The following TNS1 variants were observed in gnomAD, a reference collection of about 807,000 sequenced individuals.
The protein encoded by TNS1 is tensin-1.
Under a neutral mutation model 168.6 loss-of-function variants are expected in TNS1, and 62 were observed. That is an observed-to-expected ratio of 0.37 (90% CI 0.30 to 0.45). TNS1 has a LOEUF of 0.45. Among genes scored for constraint, TNS1 ranks in the 20% least tolerant of loss-of-function variants. The pLI, the probability that TNS1 is intolerant of heterozygous loss-of-function variation, is 1.00. For synonymous variants in TNS1, 934 were observed against 933.2 expected (o/e 1.00, Z -0.02); for missense variants, 2,240 against 2,339.4 (o/e 0.96, Z 0.88).
intron 1 of TNS1, among the ~76,000 whole-genome samples, chr2:218,001,967 C>T (rs373034564): frequency 1.6e-4 from 25 of 152,322 alleles, no homozygotes; most frequent in African/African-American, 6.0e-4. Flanking sequence ...GACTTCCTCA[C>T]CCTCCTGACC....
Position 218,033,918 on chromosome 2 carries a change from C to A in TNS1, c.58G>T (p.Gly20Cys), listed in dbSNP as rs546470744. 6.6e-6 allele frequency among the ~76,000 whole-genome samples: 1 copy of A among 152,196 alleles called. No homozygotes were observed. The highest frequency in any genetic ancestry group is 1.5e-5 in the Non-Finnish European group (1 of 68,032). ...CAGGGACTCCCCGGGGGCTGGGGAC[C>A]GCAGAGTGGTCCGGGCCGCAGCTCT... The change falls in exon 1 of 2, where the codon GGT becomes TGT. Residue 20 changes from glycine (G) to cysteine (C), a missense_variant. By Grantham distance (159) the Gly-to-Cys change is radical (BLOSUM62 -3). Transcript: ENST00000649572. This position sits in a 1 kb window ranked among gnomAD's most constrained non-coding sequence, Gnocchi z 4.3.
At chr2:217,834,342 G>T (rs1218598770) in intron 21 of TNS1, among the ~76,000 whole-genome samples, 2 of 152,232 alleles carry the variant, frequency 1.3e-5, no homozygotes, top group Non-Finnish European at 2.9e-5. Context: ...CAGCACCAGT[G>T]TCTCCTTTTT....
At chr2:217,914,532 A>G (rs1204339937) in intron 4 of TNS1, among the ~76,000 whole-genome samples, 1 of 147,872 alleles carries the variant, frequency 6.8e-6, no homozygotes, top group African/African-American at 2.5e-5. Flanking sequence ...TTTTGTTTTG[A>G]CACGGAGTCT....
chr2:218,007,098 G>A (rs1958665099), upstream of TNS1, among the ~76,000 whole-genome samples: 1 of 152,078 alleles, frequency 6.6e-6, no homozygotes. Context: ...ATCCTGAGGG[G>A]CCCACATCCA....
rs1275856911 is a variant in TNS1, at chr2:217,804,548, G to T, written c.5431C>A (p.Leu1811Ile). Reference protein sequence around the residue: ...QGSTTDNACHLFAELDPNQPA... With the variant: ...QGSTTDNACHIFAELDPNQPA... ...TGGTTGGGGTCAAGCTCAGCAAAGA[G>T]GTGGCAGGCGTTGTCCGTGGTGCTG... The change falls in exon 33 of 33, where the codon CTC becomes ATC. Residue 1811 changes from leucine (L) to isoleucine (I), a missense_variant. By Grantham distance (5) the Leu-to-Ile change is conservative (BLOSUM62 2). Transcript: ENST00000682258. 6.2e-7 allele frequency: 1 copy of T among 1,614,060 alleles called. No homozygotes were observed. Among genetic ancestry groups the T allele is most frequent in the African/African-American group, 1.3e-5 (1 of 74,934 alleles).
At chr2:217,929,210 G>C (rs1956187537) in intron 3 of TNS1, among the ~76,000 whole-genome samples, 1 of 152,222 alleles carries the variant, frequency 6.6e-6, no homozygotes, top group African/African-American at 2.4e-5. Context: ...GCCTACCCCA[G>C]GTGAAGGCAG....
intron 1 of TNS1, among the ~76,000 whole-genome samples, chr2:218,001,350 C>A (rs1459674468): frequency 6.6e-6 from 1 of 152,086 alleles, no homozygotes; most frequent in African/African-American, 2.4e-5. Context: ...TCTCTGCAAT[C>A]CTCATTTCAC....
intron 3 of TNS1, among the ~76,000 whole-genome samples, chr2:217,947,879 G>A (rs1357270248): frequency 6.6e-6 from 1 of 152,146 alleles, no homozygotes; most frequent in Non-Finnish European, 1.5e-5. Context: ...CTCCTGCCCC[G>A]CGCCAAGCTT....
chr2:218,021,201 G>A (rs1014759744), intron 1 of TNS1, among the ~76,000 whole-genome samples: 2 of 152,098 alleles, frequency 1.3e-5, no homozygotes, highest in African/African-American at 4.8e-5. Context: ...AGGACCTCCT[G>A]ATGGAGAATG....
chr2:217,961,610 A>G (rs967180306), intron 3 of TNS1, among the ~76,000 whole-genome samples: 3 of 152,158 alleles, frequency 2.0e-5, no homozygotes, highest in African/African-American at 7.2e-5. Flanking sequence ...CCTCACAGAG[A>G]GTGGGAATCA....
exon 1 of TNS1, chr2:218,010,406 G>C (rs917212489): frequency 5.2e-6 from 2 of 386,802 alleles, no homozygotes; most frequent in African/African-American, 4.1e-5. Flanking sequence ...CCCGCGGCGC[G>C]GCCCGGACTG....
chr2:217,833,515 C>T (rs143070406), intron 21 of TNS1, among the ~76,000 whole-genome samples: 1 of 152,386 alleles, frequency 6.6e-6, no homozygotes, highest in East Asian at 1.9e-4. Context: ...AGTTCTAGCA[C>T]AGCCCAGGTG....
chr2:217,935,908 C>T (rs759925765), intron 3 of TNS1, among the ~76,000 whole-genome samples: 4 of 152,170 alleles, frequency 2.6e-5, no homozygotes, highest in Admixed American at 6.5e-5. Context: ...CACATGCAGA[C>T]CGTGTGGCTG....
At chr2:217,874,741 G>A (rs556106997) in intron 18 of TNS1, among the ~76,000 whole-genome samples, 8 of 152,332 alleles carry the variant, frequency 5.3e-5, no homozygotes, top group South Asian at 2.1e-4. Flanking sequence ...CATGGCATGC[G>A]CCACTCTGCT....
At chr2:217,982,970 G>T (rs1411833038) in intron 2 of TNS1, among the ~76,000 whole-genome samples, 1 of 152,112 alleles carries the variant, frequency 6.6e-6, no homozygotes, top group Non-Finnish European at 1.5e-5. Flanking sequence ...TTCTGTAACA[G>T]CCCGACTAAG....
Position 217,804,300 on chromosome 2 carries a change from C to T in TNS1, c.*159G>A, listed in dbSNP as rs193169701. The T allele has an allele frequency of 2.0e-3, 1,450 of 734,830 alleles. 25 individuals are homozygous for T. In the African/African-American group the frequency reaches 0.023, roughly 12 times the overall value. 45.5% of individuals were successfully genotyped at this position (734,830 alleles called of 1,614,324 possible). A position where few individuals can be genotyped will look rare whatever the true frequency, so the allele number is the denominator to read the frequency against. Reference sequence around the variant, plus strand: ...TCTCTCTCTCTCTCTTTTCCCCCTCCCCTCTGCAATTCACTTCCCTCTCCC... The same window carrying T: ...TCTCTCTCTCTCTCTTTTCCCCCTCTCCTCTGCAATTCACTTCCCTCTCCC... On this transcript the variant is annotated 3_prime_UTR_variant, in exon 33 of 33. Coordinates refer to ENST00000682258, the MANE Select transcript of TNS1 (RefSeq NM_001387777.1).
At chr2:217,841,322 T>G (rs1945929869) in intron 19 of TNS1, 6 of 968,750 alleles carry the variant, frequency 6.2e-6, no homozygotes, top group Admixed American at 6.5e-5. Flanking sequence ...CAGCAGGGAG[T>G]GGGAGGCAGG....
rs774357961 is a variant in TNS1 at position 217,912,318 on chromosome 2, G to A, written c.229-5067C>T. Among the ~76,000 whole-genome samples the A allele has an allele frequency of 4.6e-5, 7 of 152,256 alleles. No homozygotes were observed. The East Asian group carries it at 1.2e-3, about 25-fold the overall frequency. ...GGGCCGAGGGGAAGGGGATTGGGGA[G>A]GAGGGTGCGCAGAATGCGGGCTCAG... is the stretch of plus-strand genomic sequence containing the variant. On this transcript the variant is annotated intron_variant, in intron 4 of 32. Coordinates refer to ENST00000682258, the MANE Select transcript of TNS1 (RefSeq NM_001387777.1).
chr2:217,895,369 A>AG (rs1293669199), intron 8 of TNS1, among the ~76,000 whole-genome samples: 1 of 152,230 alleles, frequency 6.6e-6, no homozygotes, highest in Non-Finnish European at 1.5e-5. Context: ...ACTCAACTGT[A>AG]GGTCCTCAGG....
Sources: allele counts gnomAD v4.1 joint callset (sites outside exome capture counted in the v4.1 genomes callset), GRCh38; gene constraint gnomAD v4.1.1; non-coding constraint Gnocchi (gnomAD v3.1); transcripts MANE v1.5; gene names NCBI Gene and HGNC (gene_info 2026-07-23, HGNC 2026-07-21).